The following RBM26 variants were observed in gnomAD, a reference collection of about 807,000 sequenced individuals.
RBM26 encodes RNA binding motif protein 26.
In RBM26, 30 loss-of-function variants were observed where a neutral mutation model predicts 123.6. That is an observed-to-expected ratio of 0.24 (90% CI 0.18 to 0.33). The LOEUF is 0.33. Ranked by LOEUF, RBM26 falls within the 10% of genes least tolerant of loss-of-function variation. RBM26 has a pLI of 1.00. For missense variants in RBM26, 947 were observed against 1,203.6 expected (o/e 0.79, Z 3.15); for synonymous variants, 400 against 404.4 (o/e 0.99, Z 0.13).
intron 1 of RBM26, among the ~76,000 whole-genome samples, chr13:79,381,271 A>T (rs937070239): frequency 6.6e-6 from 1 of 152,060 alleles, no homozygotes; most frequent in Admixed American, 6.6e-5. Context: ...TAACCACCAC[A>T]CTAGACTGCC....
Position 79,395,684 on chromosome 13 carries a change from G to A in RBM26, c.71+10020C>T, listed in dbSNP as rs552861150. Among the ~76,000 whole-genome samples, 6 of 152,198 alleles carry A rather than the reference G, an allele frequency of 3.9e-5. No homozygotes were observed. The South Asian group carries it at 8.3e-4, about 21-fold the overall frequency. On this transcript the variant is annotated intron_variant, in intron 1 of 21. Transcript: ENST00000438737. ...CCCTTGAGCCCAGGAGGTCCAGTCC[G>A]CAATGAGCTATAATCATGCCACTGC...
At chr13:79,398,197 A>C (rs908295089) in intron 1 of RBM26, among the ~76,000 whole-genome samples, 3 of 152,202 alleles carry the variant, frequency 2.0e-5, no homozygotes, top group Non-Finnish European at 2.9e-5. Flanking sequence ...GGCACAAAGG[A>C]AGCAAGAAGA....
At chr13:79,368,679 G>A (rs773037380) in intron 6 of RBM26, 51 bp downstream of exon 6, 1 of 1,535,094 alleles carries the variant, frequency 6.5e-7, no homozygotes, top group East Asian at 2.3e-5. Context: ...ACAGAATTTA[G>A]GCAGCTGGAA....
intron 1 of RBM26, among the ~76,000 whole-genome samples, chr13:79,391,403 T>C (rs1385619169): frequency 6.6e-6 from 1 of 152,228 alleles, no homozygotes; most frequent in East Asian, 1.9e-4. Context: ...TAAATTCAAC[T>C]ACATAAAATG....
At position 79,368,590 on chromosome 13, in the gene RBM26, T is replaced by A. The variant is rs1004857028; in HGVS notation, c.895+140A>T. On this transcript the variant is annotated intron_variant, in intron 6 of 21. Transcript: ENST00000438737. ...CAACTAATAAATGTTTCAATCATAT[T>A]GAGGAATTCAAAAAGTGACTAAGGC... 4 of 690,548 alleles carry A rather than the reference T, an allele frequency of 5.8e-6. No individual in the cohort carries two copies. The East Asian group carries it at 1.0e-4, about 18-fold the overall frequency. The allele number at this position is 690,548 out of a possible 1,614,324, so 42.8% of individuals were successfully genotyped here.
chr13:79,378,518 C>A (rs3764150), intron 2 of RBM26, among the ~76,000 whole-genome samples: 73,157 of 151,986 alleles, frequency 0.48, 18,153 homozygotes, highest in East Asian at 0.72. Flanking sequence ...CAGCTCACAG[C>A]AACCTCTGCC....
chr13:79,369,062 A>C (rs1391766162), intron 5 of RBM26, 72 bp from the exon 6 acceptor site: 1 of 992,546 alleles, frequency 1.0e-6, no homozygotes, highest in African/African-American at 1.7e-5. Context: ...TCTAAGAAAT[A>C]GTGATATTTT....
rs1481729373 is a variant in RBM26 at position 79,365,837 on chromosome 13, GT to G, written c.1277-120del. On this transcript the variant is annotated intron_variant, in intron 8 of 21. Transcript: ENST00000438737. Reference sequence around the variant, plus strand: ...TATTAACATATAACATGCTCTATATGTATCAAAAAGAAAATAACTTTATTTA... The same window carrying G: ...TATTAACATATAACATGCTCTATATGATCAAAAAGAAAATAACTTTATTTA... 3.4e-5 allele frequency: 33 copies of G among 964,452 alleles called. No individual in the cohort carries two copies. The Admixed American group carries it at 9.3e-4, about 27-fold the overall frequency. The allele number at this position is 964,452 out of a possible 1,614,324, so 59.7% of individuals were successfully genotyped here.
chr13:79,334,546 T>C, intron 19 of RBM26, 116 bp from the exon 20 acceptor site: 1 of 510,028 alleles, frequency 2.0e-6, no homozygotes, highest in Non-Finnish European at 3.4e-6. Context: ...TACATAACAA[T>C]TCATAATGGT....
rs779108391 is a variant in RBM26, at chr13:79,405,693, C to G, written c.71+11G>C. Reference sequence around the variant, plus strand: ...GCCATCCCTGCAAAGAGATATCCCCCGGATACTCACATGGGCTCGAGAGTC... The same window carrying G: ...GCCATCCCTGCAAAGAGATATCCCCGGGATACTCACATGGGCTCGAGAGTC... On this transcript the variant is annotated intron_variant, in intron 1 of 21. Coordinates refer to ENST00000438737, the MANE Select transcript of RBM26 (RefSeq NM_001366735.2). The G allele has an allele frequency of 1.3e-6, 2 of 1,573,082 alleles. No homozygotes were observed. Among genetic ancestry groups the G allele is most frequent in the South Asian group, 2.3e-5 (2 of 88,330 alleles).
At chr13:79,347,373 AAAAAT>A in intron 14 of RBM26, among the ~76,000 whole-genome samples, 1 of 152,210 alleles carries the variant, frequency 6.6e-6, no homozygotes, top group East Asian at 1.9e-4. Flanking sequence ...GTTAAAATGT[AAAAAT>A]GTGACTTATA....
At chr13:79,340,423 G>A (rs1348981129) in intron 18 of RBM26, among the ~76,000 whole-genome samples, 4 of 151,980 alleles carry the variant, frequency 2.6e-5, no homozygotes, top group African/African-American at 9.7e-5. Context: ...ATTAATCTCA[G>A]CTAAAGCTAA....
downstream of RBM26, chr13:79,314,236 T>C (rs1259230526): frequency 6.6e-6 from 1 of 151,738 alleles, no homozygotes; most frequent in Non-Finnish European, 1.5e-5. Context: ...TATTTCCTCT[T>C]GCTTTAAAGG....
intron 16 of RBM26, 118 bp from the exon 17 acceptor site, chr13:79,342,949 G>A (rs2071664142): frequency 6.5e-6 from 4 of 614,990 alleles, no homozygotes; most frequent in East Asian, 6.1e-5. Flanking sequence ...TTATGCATTC[G>A]TGAGAAGGCT....
chr13:79,343,158 T>C (rs1441492233), intron 16 of RBM26, among the ~76,000 whole-genome samples: 1 of 151,818 alleles, frequency 6.6e-6, no homozygotes, highest in African/African-American at 2.4e-5. Flanking sequence ...ATATTAACAA[T>C]TTTACTTTCT....
chr13:79,375,063 T>TATATAAA (rs1566517152), intron 3 of RBM26, among the ~76,000 whole-genome samples: 1 of 57,634 alleles, frequency 1.7e-5, no homozygotes, highest in Non-Finnish European at 4.3e-5. Flanking sequence ...ATTTATATTT[T>TATATAAA]TATATATTTA....
chr13:79,322,267 A>C (rs751908784), intron 21 of RBM26, 82 bp downstream of exon 21: 3 of 889,894 alleles, frequency 3.4e-6, no homozygotes, highest in Non-Finnish European at 5.0e-6. Context: ...TTTTATGTTA[A>C]AATCACGGCC....
chr13:79,397,749 A>G (rs917621128), intron 1 of RBM26, among the ~76,000 whole-genome samples: 3 of 150,956 alleles, frequency 2.0e-5, no homozygotes, highest in African/African-American at 7.3e-5. Context: ...CTCATAGATG[A>G]TGAGATTGGT....
intron 10 of RBM26, 136 bp from the exon 11 acceptor site, chr13:79,358,569 G>A (rs1226552994): frequency 7.0e-6 from 5 of 709,606 alleles, no homozygotes; most frequent in Non-Finnish European, 2.3e-6. Flanking sequence ...GTTGATAAAG[G>A]AAATTTAAAT....
Sources: allele counts gnomAD v4.1 joint callset (sites outside exome capture counted in the v4.1 genomes callset), GRCh38; gene constraint gnomAD v4.1.1; transcripts MANE v1.5; gene names NCBI Gene and HGNC (gene_info 2026-07-23, HGNC 2026-07-21).